Variants in CCDC7 observed in about 807,000 individuals in gnomAD.
CCDC7 encodes the protein coiled-coil domain-containing protein 7.
A neutral mutation model predicts 196.9 loss-of-function variants in CCDC7; 183 were observed. The ratio of observed to expected loss-of-function variants is 0.93; its 90% CI spans 0.82 to 1.05. CCDC7 has a LOEUF of 1.05. Ranked by LOEUF, CCDC7 falls within the 50% of genes least tolerant of loss-of-function variation. The pLI is 0.00. For missense variants in CCDC7, 1,540 were observed against 1,482.2 expected, an observed-to-expected ratio of 1.04 and a Z score of -0.64; for synonymous variants, 525 against 484.6, an observed-to-expected ratio of 1.08 and a Z score of -1.10.
intron 24 of CCDC7, among the ~76,000 whole-genome samples, chr10:32,701,760 T>C (rs1353239245): frequency 2.0e-5 from 3 of 152,102 alleles, no homozygotes; most frequent in African/African-American, 7.2e-5. Flanking sequence ...GTGTATGTGT[T>C]GAGGAATTTA....
intron 29 of CCDC7, among the ~76,000 whole-genome samples, chr10:32,781,124 T>C (rs2080996269): frequency 6.6e-6 from 1 of 152,142 alleles, no homozygotes; most frequent in Admixed American, 6.5e-5. Flanking sequence ...TGAAGAAATA[T>C]CTAAATAGAC....
chr10:32,518,733 C>T (rs1339890143), intron 11 of CCDC7, among the ~76,000 whole-genome samples: 2 of 151,996 alleles, frequency 1.3e-5, no homozygotes, highest in African/African-American at 4.8e-5. Context: ...TCTGAAAAGA[C>T]ATTTCTAGGC....
intron 28 of CCDC7, among the ~76,000 whole-genome samples, chr10:32,733,319 T>C (rs988500474): frequency 6.6e-6 from 1 of 152,108 alleles, no homozygotes. Context: ...TTGATATGTA[T>C]TTTGAATTAC....
chr10:32,581,402 G>A (rs370572521), intron 16 of CCDC7, among the ~76,000 whole-genome samples: 1 of 152,006 alleles, frequency 6.6e-6, no homozygotes, highest in East Asian at 1.9e-4. Flanking sequence ...CATCATTGCT[G>A]TTCTCCTCCT....
At chr10:32,450,411 G>A (rs1290556975), upstream of CCDC7, among the ~76,000 whole-genome samples, 1 of 152,148 alleles carries the variant, frequency 6.6e-6, no homozygotes, top group Non-Finnish European at 1.5e-5. Context: ...TCAAAGTGCT[G>A]GGGGCTTAGG....
At chr10:32,690,531 A>G (rs1286193893) in intron 23 of CCDC7, among the ~76,000 whole-genome samples, 4 of 152,178 alleles carry the variant, frequency 2.6e-5, no homozygotes, top group Non-Finnish European at 5.9e-5. Context: ...CAGGGCTGTA[A>G]TATAGCATTG....
exon 35 of CCDC7, chr10:32,845,625 A>C (rs1046080730): frequency 3.1e-6 from 5 of 1,607,458 alleles, no homozygotes; most frequent in Non-Finnish European, 4.3e-6. Flanking sequence ...AAAGTCACCC[A>C]GGTAAGAGAA....
At chr10:32,517,623 TG>T (rs1330055752) in intron 9 of CCDC7, among the ~76,000 whole-genome samples, 3 of 42,906 alleles carry the variant, frequency 7.0e-5, no homozygotes, top group Non-Finnish European at 1.2e-4. Flanking sequence ...TGTTATGGGG[TG>T]GGGGGAGGGG....
chr10:32,491,829 T>C, intron 8 of CCDC7, 93 bp from the exon 10 acceptor site: 2 of 1,228,050 alleles, frequency 1.6e-6, no homozygotes, highest in East Asian at 2.8e-5. Context: ...TATGTTTGTT[T>C]AGCTTTCACA....
intron 28 of CCDC7, among the ~76,000 whole-genome samples, chr10:32,743,980 G>A (rs539073765): frequency 2.2e-4 from 25 of 115,118 alleles, no homozygotes; most frequent in Non-Finnish European, 4.0e-4. Context: ...ACACACCGGG[G>A]CCTGTTGTGG....
At chr10:32,774,417 T>G (rs2134153952) in intron 28 of CCDC7, among the ~76,000 whole-genome samples, 1 of 152,260 alleles carries the variant, frequency 6.6e-6, no homozygotes, top group African/African-American at 2.4e-5. Context: ...GACTGAACAT[T>G]CACCTCCAAT....
At chr10:32,607,066 G>A (rs2061627856) in intron 18 of CCDC7, among the ~76,000 whole-genome samples, 2 of 152,154 alleles carry the variant, frequency 1.3e-5, no homozygotes, top group Admixed American at 6.5e-5. Context: ...GCTTGGTGCC[G>A]TTCTCACAAT....
intron 41 of CCDC7, among the ~76,000 whole-genome samples, chr10:32,857,958 C>G (rs1309485040): frequency 6.6e-6 from 1 of 151,266 alleles, no homozygotes; most frequent in Non-Finnish European, 1.5e-5. Flanking sequence ...ATAGTAGATA[C>G]CAAAGAAATT....
chr10:32,615,898 A>G (rs2990973), intron 18 of CCDC7, among the ~76,000 whole-genome samples: 38,175 of 151,902 alleles, frequency 0.25, 5,386 homozygotes, highest in South Asian at 0.44. Flanking sequence ...TAACAATCCA[A>G]TTTTCCCAAC....
At chr10:32,550,004 A>G (rs2053195347) in intron 13 of CCDC7, among the ~76,000 whole-genome samples, 1 of 152,172 alleles carries the variant, frequency 6.6e-6, no homozygotes, top group Non-Finnish European at 1.5e-5. Flanking sequence ...TGCTTTTGGC[A>G]GTATGGTCAT....
intron 11 of CCDC7, among the ~76,000 whole-genome samples, chr10:32,537,346 T>A (rs2050682361): frequency 6.6e-6 from 1 of 152,138 alleles, no homozygotes; most frequent in Non-Finnish European, 1.5e-5. Flanking sequence ...TTTAATGGAG[T>A]CATTTTTTCC....
intron 29 of CCDC7, among the ~76,000 whole-genome samples, chr10:32,781,500 A>G (rs2081055709): frequency 6.6e-6 from 1 of 152,222 alleles, no homozygotes; most frequent in African/African-American, 2.4e-5. Flanking sequence ...TTCAATAGAC[A>G]AAAGTCAATC....
chr10:32,697,443 G>A (rs1229128226), intron 24 of CCDC7, among the ~76,000 whole-genome samples: 1 of 152,176 alleles, frequency 6.6e-6, no homozygotes, highest in Admixed American at 6.5e-5. Flanking sequence ...ATGACAGATG[G>A]TACCTGAAAA....
chr10:32,702,901 A>T (rs966701938), intron 24 of CCDC7, among the ~76,000 whole-genome samples: 1 of 152,052 alleles, frequency 6.6e-6, no homozygotes, highest in Non-Finnish European at 1.5e-5. Flanking sequence ...CTTTGAGCCT[A>T]TGTGTGTCTC....
Sources: gnomAD v4.1 joint callset for allele counts (sites outside exome capture counted in the v4.1 genomes callset) on GRCh38, gnomAD v4.1.1 for gene constraint, MANE v1.5 for transcripts, NCBI Gene and HGNC (gene_info 2026-07-23, HGNC 2026-07-21) for gene names.